TMEM72: variants seen among roughly 807,000 people sequenced by gnomAD.
The protein encoded by TMEM72 is kidney-specific secretory protein of 37 kDa.
Under a neutral mutation model 16.3 loss-of-function variants are expected in TMEM72, and 9 were observed. The observed-to-expected ratio is 0.55, with a 90% CI of 0.33 to 0.96. The LOEUF (loss-of-function observed/expected upper bound fraction) is 0.96, where lower values mean the gene tolerates loss of function less well. Ranked by LOEUF, TMEM72 falls within the 40% of genes least tolerant of loss-of-function variation. The pLI is 0.03. For missense variants in TMEM72, 324 were observed against 337.8 expected (o/e 0.96, Z 0.32); for synonymous variants, 160 against 146.5 (o/e 1.09, Z -0.66).
intron 1 of TMEM72, among the ~76,000 whole-genome samples, chr10:44,912,565 G>C (rs1201024223): frequency 6.6e-6 from 1 of 152,208 alleles, no homozygotes; most frequent in Non-Finnish European, 1.5e-5. Context: ...CCCCAGCCTA[G>C]TCACTTGCGT....
Position 44,934,932 on chromosome 10 carries a change from G to T in TMEM72, c.626G>T (p.Ser209Ile), listed in dbSNP as rs561900900. ...CCCCCCAACACCCTGATGGAGCTGA[G>T]CCTGGAGCCAGCCGACTCCCTGGCC... ...LQPPNTLMELSLEPADSLAKK... is the reference protein window; with the variant it reads ...LQPPNTLMELILEPADSLAKK... The change falls in exon 5 of 5, where the codon AGC becomes ATC. Residue 209 changes from serine to isoleucine, a missense_variant. Coordinates refer to ENST00000389583, the MANE Select transcript of TMEM72 (RefSeq NM_001123376.3). 581 of 1,613,864 alleles carry T rather than the reference G, an allele frequency of 3.6e-4. 8 individuals carry two copies. In the South Asian group the frequency reaches 5.9e-3, roughly 16 times the overall value.
intron 1 of TMEM72, among the ~76,000 whole-genome samples, chr10:44,921,426 A>T (rs1306812353): frequency 6.6e-6 from 1 of 152,204 alleles, no homozygotes; most frequent in African/African-American, 2.4e-5. Context: ...GGCAGGAAAG[A>T]CAGCACAGCC....
Position 44,935,336 on chromosome 10 carries a change from G to A in TMEM72, c.*202G>A, listed in dbSNP as rs1034714367. 5 of 513,798 alleles carry A rather than the reference G, an allele frequency of 9.7e-6. No individual in the cohort carries two copies. Among genetic ancestry groups the A allele is most frequent in the Admixed American group, 3.7e-5 (1 of 27,010 alleles). 31.8% of individuals were successfully genotyped at this position (513,798 alleles called of 1,614,324 possible). ...CGAGGGAGGCACAAACAAGGCTCAC[G>A]CCACCTCAAGCCAGCACAAGCTCCT... On this transcript the variant is annotated 3_prime_UTR_variant, in exon 5 of 5. Coordinates refer to ENST00000389583, the MANE Select transcript of TMEM72 (RefSeq NM_001123376.3).
At chr10:44,928,722 T>C (rs1840242062) in intron 2 of TMEM72, among the ~76,000 whole-genome samples, 1 of 103,642 alleles carries the variant, frequency 9.6e-6, no homozygotes, top group African/African-American at 3.9e-5. Flanking sequence ...ATCCATTCAC[T>C]CACCCATCCA....
At position 44,911,377 on chromosome 10, in the gene TMEM72, C is replaced by T; in HGVS notation, c.-136C>T. 1.2e-6 allele frequency: 1 copy of T among 854,394 alleles called. No homozygotes were observed. Among genetic ancestry groups the T allele is most frequent in the African/African-American group, 1.7e-5 (1 of 59,876 alleles). The allele number at this position is 854,394 out of a possible 1,614,324, so 52.9% of individuals were successfully genotyped here. On this transcript the variant is annotated 5_prime_UTR_variant, in exon 1 of 5. Transcript: ENST00000389583. ...CTCGGCCAGGCTGCGGTGGCCAGGA[C>T]TGGTTTGGGAAGGCAGGGCCCCGGT...
chr10:44,927,840 C>A, intron 1 of TMEM72, 81 bp from the exon 2 acceptor site: 1 of 1,478,552 alleles, frequency 6.8e-7, no homozygotes, highest in South Asian at 1.2e-5. Flanking sequence ...AAGACTCACT[C>A]CACAGCCAAG....
chr10:44,924,456 G>A (rs931909738), intron 1 of TMEM72, among the ~76,000 whole-genome samples: 3 of 152,148 alleles, frequency 2.0e-5, no homozygotes, highest in Non-Finnish European at 2.9e-5. Context: ...CCACAGCCAT[G>A]AGCCCAGTGC....
At chr10:44,929,022 C>T (rs1294823196) in intron 2 of TMEM72, among the ~76,000 whole-genome samples, 3 of 152,218 alleles carry the variant, frequency 2.0e-5, no homozygotes, top group Non-Finnish European at 4.4e-5. Context: ...ATTTAACTTT[C>T]ACAGCACTGT....
At chr10:44,933,493 A>AC in intron 3 of TMEM72, 144 bp from the exon 4 acceptor site, 1 of 1,147,758 alleles carries the variant, frequency 8.7e-7, no homozygotes, top group Non-Finnish European at 1.2e-6. Flanking sequence ...TGGAACCCAC[A>AC]CCAAGGACCG....
At chr10:44,927,349 C>G (rs2132723211) in intron 1 of TMEM72, among the ~76,000 whole-genome samples, 1 of 152,150 alleles carries the variant, frequency 6.6e-6, no homozygotes, top group South Asian at 2.1e-4. Context: ...CACTAACTGC[C>G]AAGAAAGGGG....
At chr10:44,931,342 T>C (rs1840291552) in intron 2 of TMEM72, among the ~76,000 whole-genome samples, 3 of 152,182 alleles carry the variant, frequency 2.0e-5, no homozygotes, top group Admixed American at 1.3e-4. Flanking sequence ...GAGATGCTGA[T>C]TGCAGGATCC....
Position 44,927,964 on chromosome 10 carries a change from C to A in TMEM72, c.114C>A (p.Phe38Leu), listed in dbSNP as rs774934073. Residue 38 changes from phenylalanine (F) to leucine (L), a missense_variant, in exon 2 of 5, where the codon TTC becomes TTA. Coordinates refer to ENST00000389583, the MANE Select transcript of TMEM72 (RefSeq NM_001123376.3). ...VGTETFLQGQ[F>L]KSLAFYLLFT... ...CTGAGACCTTCCTCCAGGGCCAGTT[C>A]AAAAGCCTGGCTTTCTATCTGCTGT... 3.1e-6 allele frequency: 5 copies of A among 1,613,812 alleles called. No homozygotes were observed. The highest frequency in any genetic ancestry group is 4.2e-6 in the Non-Finnish European group (5 of 1,179,966).
chr10:44,931,651 A>G (rs956553012), intron 2 of TMEM72, among the ~76,000 whole-genome samples: 1 of 152,212 alleles, frequency 6.6e-6, no homozygotes, highest in Non-Finnish European at 1.5e-5. Context: ...GAACAGGTCC[A>G]GGTTTAAGGC....
Position 44,934,962 on chromosome 10 carries a change from A to C in TMEM72, c.656A>C (p.Lys219Thr), listed in dbSNP as rs768647199. Residue 219 changes from lysine (K) to threonine (T), a missense_variant, in exon 5 of 5, where the codon AAG (lysine) becomes ACG (threonine). Lys to Thr is a moderately conservative substitution (Grantham distance 78). Transcript: ENST00000389583. ...GAGCCAGCCGACTCCCTGGCCAAGA[A>C]GAAGCAGGTGCACTTTGAAGACAAC... is the stretch of plus-strand genomic sequence containing the variant. ...SLEPADSLAK[K>T]KQVHFEDNLV... The C allele has an allele frequency of 8.1e-6, 13 of 1,613,968 alleles. No individual in the cohort carries two copies. The highest frequency in any genetic ancestry group is 1.0e-5 in the Non-Finnish European group (12 of 1,180,034).
intron 1 of TMEM72, among the ~76,000 whole-genome samples, chr10:44,913,863 A>G (rs1397043632): frequency 2.0e-5 from 3 of 152,226 alleles, no homozygotes; most frequent in Non-Finnish European, 2.9e-5. Context: ...TAGAGAGGAA[A>G]TAAGACCGGA....
intron 4 of TMEM72, among the ~76,000 whole-genome samples, chr10:44,934,178 G>A (rs1011677249): frequency 6.6e-6 from 1 of 151,874 alleles, no homozygotes; most frequent in South Asian, 2.1e-4. Flanking sequence ...GGCACTTCAG[G>A]GTGGGACCCC....
chr10:44,933,392 C>T (rs927729708), intron 3 of TMEM72, among the ~76,000 whole-genome samples: 45 of 152,266 alleles, frequency 3.0e-4, no homozygotes, highest in African/African-American at 9.9e-4. Flanking sequence ...GAACATTTAA[C>T]TTGCTTCCCC....
At chr10:44,911,684 C>T in intron 1 of TMEM72, 102 bp downstream of exon 1, 1 of 1,323,624 alleles carries the variant, frequency 7.6e-7, no homozygotes, top group Non-Finnish European at 1.0e-6. Flanking sequence ...CACATCTGGC[C>T]ACTTCTGTGC....
intron 1 of TMEM72, chr10:44,920,243 G>T (rs181745814): frequency 6.6e-6 from 1 of 152,270 alleles, no homozygotes; most frequent in East Asian, 1.9e-4. Flanking sequence ...ACTGTGAAGC[G>T]TCCCATGTTA....
Sources: allele counts gnomAD v4.1 joint callset (sites outside exome capture counted in the v4.1 genomes callset), GRCh38; gene constraint gnomAD v4.1.1; transcripts MANE v1.5; gene names NCBI Gene and HGNC (gene_info 2026-07-23, HGNC 2026-07-21).